The following GALNTL6 variants were observed in gnomAD, a reference collection of about 807,000 sequenced individuals.
The protein encoded by GALNTL6 is polypeptide N-acetylgalactosaminyltransferase-like 6.
In GALNTL6, 46 loss-of-function variants were observed where a neutral mutation model predicts 73.7. The observed-to-expected ratio is 0.62, with a 90% CI of 0.49 to 0.80. The LOEUF is 0.80. GALNTL6 is among the 30% of genes least tolerant of loss of function. The probability of loss-of-function intolerance (pLI) is 0.00; values close to 1 mark genes in which losing one functional copy is unlikely to be tolerated. For missense variants in GALNTL6, 604 were observed against 755.0 expected (o/e 0.80, Z 2.34); for synonymous variants, 259 against 263.7 (o/e 0.98, Z 0.17).
At chr4:172,080,768 T>A (rs1212025469) in intron 2 of GALNTL6, among the ~76,000 whole-genome samples, 1 of 151,788 alleles carries the variant, frequency 6.6e-6, no homozygotes, top group Non-Finnish European at 1.5e-5. Context: ...AAAAGGGCAG[T>A]TTTTATAGTG....
intron 5 of GALNTL6, among the ~76,000 whole-genome samples, chr4:172,608,415 A>G (rs1405212873): frequency 6.6e-6 from 1 of 151,986 alleles, no homozygotes; most frequent in African/African-American, 2.4e-5. Context: ...GTTTTTGTCA[A>G]CTTTGTCAAA....
rs533497132 is a variant in GALNTL6 at position 172,343,872 on chromosome 4, T to C, written c.387-4651T>C. Among the ~76,000 whole-genome samples, 3 of 152,262 alleles carry C rather than the reference T, an allele frequency of 2.0e-5. No individual in the cohort carries two copies. In the South Asian group the frequency reaches 6.2e-4, roughly 32 times the overall value. On this transcript the variant is annotated intron_variant, in intron 4 of 12. Transcript: ENST00000506823. The stretch of plus-strand genomic sequence containing the variant: ...ATAATTTAAACTATTTCTTTTGTCT[T>C]CTTGGTGCTTTTAAAATTTGAAGAA...
chr4:173,025,804 G>A (rs922082515), intron 12 of GALNTL6, among the ~76,000 whole-genome samples: 1 of 152,138 alleles, frequency 6.6e-6, no homozygotes, highest in Non-Finnish European at 1.5e-5. Flanking sequence ...GAAATTGTAA[G>A]GGGATCTTGA....
At chr4:172,707,902 G>A (rs568690143) in intron 5 of GALNTL6, among the ~76,000 whole-genome samples, 1 of 152,222 alleles carries the variant, frequency 6.6e-6, no homozygotes, top group South Asian at 2.1e-4. Context: ...TCTTGTTACA[G>A]TTGGGCTATG....
intron 4 of GALNTL6, among the ~76,000 whole-genome samples, chr4:172,333,799 T>C (rs1035635282): frequency 1.8e-4 from 27 of 152,208 alleles, no homozygotes; most frequent in Non-Finnish European, 2.9e-5. Flanking sequence ...TGTTTTCTTC[T>C]AATATTTTTT....
At chr4:172,503,473 G>A (rs1734332893) in intron 5 of GALNTL6, among the ~76,000 whole-genome samples, 1 of 143,594 alleles carries the variant, frequency 7.0e-6, no homozygotes, top group Non-Finnish European at 1.5e-5. Context: ...TTTCAATACA[G>A]GATCATGAGT....
At chr4:172,404,931 A>G (rs980753734) in intron 5 of GALNTL6, among the ~76,000 whole-genome samples, 1 of 152,006 alleles carries the variant, frequency 6.6e-6, no homozygotes, top group African/African-American at 2.4e-5. Context: ...CCATTGTGAC[A>G]ATGGCTCATT....
intron 3 of GALNTL6, among the ~76,000 whole-genome samples, chr4:172,271,955 A>T (rs994681912): frequency 6.7e-6 from 1 of 149,898 alleles, no homozygotes; most frequent in African/African-American, 2.5e-5. Flanking sequence ...ATATATATAT[A>T]TATATTTTTT....
chr4:171,970,182 C>T (rs1164627792), intron 2 of GALNTL6, among the ~76,000 whole-genome samples: 2 of 151,062 alleles, frequency 1.3e-5, no homozygotes, highest in African/African-American at 4.9e-5. Context: ...CATAGAATTA[C>T]CCAAAATCAC....
chr4:172,413,676 A>C (rs1401660035), intron 5 of GALNTL6, among the ~76,000 whole-genome samples: 1 of 132,658 alleles, frequency 7.5e-6, no homozygotes, highest in Non-Finnish European at 1.6e-5. Context: ...TTTTTTTGCT[A>C]TCTGTGAAAC....
At chr4:172,132,259 A>C (rs1297069606) in intron 2 of GALNTL6, among the ~76,000 whole-genome samples, 1 of 152,148 alleles carries the variant, frequency 6.6e-6, no homozygotes, top group African/African-American at 2.4e-5. Flanking sequence ...GACTGTGATT[A>C]AATTTTCTTT....
At chr4:171,974,655 T>C (rs1739667337) in intron 2 of GALNTL6, among the ~76,000 whole-genome samples, 1 of 152,200 alleles carries the variant, frequency 6.6e-6, no homozygotes, top group Admixed American at 6.5e-5. Flanking sequence ...ATTTTATTCA[T>C]GAAACTAAAA....
intron 3 of GALNTL6, among the ~76,000 whole-genome samples, chr4:172,272,362 G>A (rs1738685745): frequency 6.6e-6 from 1 of 152,190 alleles, no homozygotes; most frequent in Admixed American, 6.5e-5. Flanking sequence ...TTTTGTTGTT[G>A]TGAGAACATC....
At chr4:172,924,041 AG>A (rs1311311583) in intron 8 of GALNTL6, among the ~76,000 whole-genome samples, 2 of 152,168 alleles carry the variant, frequency 1.3e-5, no homozygotes, top group Non-Finnish European at 2.9e-5. Context: ...GGGAAAGGTA[AG>A]GGACTTAAGG....
intron 2 of GALNTL6, among the ~76,000 whole-genome samples, chr4:172,110,959 T>C (rs1011705111): frequency 6.0e-5 from 9 of 151,246 alleles, no homozygotes; most frequent in Non-Finnish European, 1.2e-4. Context: ...AAGGAAACAT[T>C]AAAAAAAAAT....
At chr4:172,147,089 T>A (rs538983241) in intron 2 of GALNTL6, among the ~76,000 whole-genome samples, 1 of 152,360 alleles carries the variant, frequency 6.6e-6, no homozygotes, top group East Asian at 1.9e-4. Context: ...TAAATTTCAT[T>A]AAGTTCCCAT....
chr4:171,986,345 G>A (rs1011330530), intron 2 of GALNTL6, among the ~76,000 whole-genome samples: 1 of 152,124 alleles, frequency 6.6e-6, no homozygotes, highest in African/African-American at 2.4e-5. Context: ...GAGCCAGGAT[G>A]ACCCAGGAGA....
intron 2 of GALNTL6, among the ~76,000 whole-genome samples, chr4:172,055,457 T>C (rs948114998): frequency 6.6e-6 from 1 of 152,216 alleles, no homozygotes; most frequent in Non-Finnish European, 1.5e-5. Flanking sequence ...TCACTGTTGT[T>C]GTTACACATT....
At chr4:172,860,775 C>T (rs767628699) in intron 7 of GALNTL6, among the ~76,000 whole-genome samples, 5 of 152,162 alleles carry the variant, frequency 3.3e-5, no homozygotes, top group African/African-American at 4.8e-5. Context: ...AACCAAATCA[C>T]ATTAATGATG....
Sources: allele counts gnomAD v4.1 joint callset (sites outside exome capture counted in the v4.1 genomes callset), GRCh38; gene constraint gnomAD v4.1.1; transcripts MANE v1.5; gene names NCBI Gene and HGNC (gene_info 2026-07-23, HGNC 2026-07-21).